Variants in CFAP44 observed in about 807,000 individuals in gnomAD.
The protein encoded by CFAP44 is cilia and flagella associated protein 44, also known as cilia- and flagella-associated protein 44.
In CFAP44, 134 loss-of-function variants were observed where a neutral mutation model predicts 216.2. The ratio of observed to expected loss-of-function variants is 0.62; its 90% CI spans 0.54 to 0.72. The LOEUF (loss-of-function observed/expected upper bound fraction) is 0.72, where lower values mean the gene tolerates loss of function less well. CFAP44 is among the 30% of genes least tolerant of loss of function. The pLI is 0.00. For synonymous variants in CFAP44, 700 were observed against 727.6 expected (o/e 0.96, Z 0.61); for missense variants, 2,035 against 2,182.1 (o/e 0.93, Z 1.34).
At chr3:113,414,756 G>A (rs1213298651) in intron 6 of CFAP44, among the ~76,000 whole-genome samples, 3 of 152,164 alleles carry the variant, frequency 2.0e-5, no homozygotes, top group African/African-American at 7.2e-5. Flanking sequence ...GCTGGATTTG[G>A]TTTGCCAGTA....
chr3:113,389,558 T>G lies in CFAP44; in HGVS notation c.1890+6192A>C, dbSNP rs575780693. 2.6e-5 allele frequency among the ~76,000 whole-genome samples: 4 copies of G among 151,270 alleles called. No homozygotes were observed. In the South Asian group the frequency reaches 8.4e-4, roughly 32 times the overall value. ...AATGAAATTGAAAGAAAACAAAAGATCAACAAATTAAAAAGTTGTTTTTTT... is the reference window on the plus strand; with the variant it reads ...AATGAAATTGAAAGAAAACAAAAGAGCAACAAATTAAAAAGTTGTTTTTTT... On this transcript the variant is annotated intron_variant, in intron 15 of 34. Transcript: ENST00000393845.
intron 18 of CFAP44, among the ~76,000 whole-genome samples, chr3:113,372,404 A>G (rs1044538278): frequency 6.6e-6 from 1 of 152,196 alleles, no homozygotes; most frequent in African/African-American, 2.4e-5. Flanking sequence ...CAGCCATAAA[A>G]AAGGATGAGT....
At chr3:113,404,942 T>A (rs770560532) in intron 8 of CFAP44, among the ~76,000 whole-genome samples, 10 of 152,216 alleles carry the variant, frequency 6.6e-5, no homozygotes, top group Non-Finnish European at 1.5e-4. Context: ...ACAACTTTAT[T>A]TTCTCTAGGA....
chr3:113,353,460 ACAC>A (rs2107830146), intron 22 of CFAP44, among the ~76,000 whole-genome samples: 1 of 78,794 alleles, frequency 1.3e-5, no homozygotes, highest in African/African-American at 7.0e-5. Context: ...GAATACACAC[ACAC>A]ACACACACAC....
At chr3:113,411,640 C>T (rs1248063993) in intron 6 of CFAP44, among the ~76,000 whole-genome samples, 1 of 152,138 alleles carries the variant, frequency 6.6e-6, no homozygotes, top group Non-Finnish European at 1.5e-5. Context: ...CTTTTGGTTC[C>T]ATATGAACTT....
At chr3:113,403,800 A>G in intron 9 of CFAP44, 52 bp downstream of exon 9, 1 of 1,557,486 alleles carries the variant, frequency 6.4e-7, no homozygotes, top group Non-Finnish European at 8.7e-7. Flanking sequence ...CCTTTGGGTG[A>G]GCTACAAGTC....
intron 24 of CFAP44, among the ~76,000 whole-genome samples, chr3:113,336,514 A>G (rs1488426118): frequency 1.3e-5 from 2 of 152,120 alleles, no homozygotes; most frequent in African/African-American, 4.8e-5. Context: ...TAACTCAAGA[A>G]GAAATAGAAC....
chr3:113,358,673 A>G, intron 22 of CFAP44, 72 bp downstream of exon 22: 1 of 1,489,970 alleles, frequency 6.7e-7, no homozygotes, highest in Non-Finnish European at 8.9e-7. Context: ...CACTTCACTG[A>G]CACTACTATA....
intron 24 of CFAP44, among the ~76,000 whole-genome samples, chr3:113,336,147 A>C (rs909650721): frequency 1.3e-5 from 2 of 152,192 alleles, no homozygotes; most frequent in Admixed American, 1.3e-4. Flanking sequence ...ACACAAGTTT[A>C]CACATTAAGA....
At chr3:113,331,264 T>C (rs1576551738) in intron 25 of CFAP44, among the ~76,000 whole-genome samples, 1 of 152,168 alleles carries the variant, frequency 6.6e-6, no homozygotes, top group Non-Finnish European at 1.5e-5. Context: ...AGCCAAGCTG[T>C]GCCTCTGCTT....
In CFAP44 at chr3:113,395,834, A is replaced by G. The variant is rs1329129958; in HGVS notation, c.1806T>C (p.Phe602=). 6 of 1,613,766 alleles carry G rather than the reference A, an allele frequency of 3.7e-6. No individual in the cohort carries two copies. Among genetic ancestry groups the G allele is most frequent in the African/African-American group, 1.3e-5 (1 of 74,928 alleles). The part of the protein sequence containing the change: ...TGSKDQTVFF[F]EVERDYKPIG... The stretch of plus-strand genomic sequence containing the variant: ...TCGGCTTATAATCCCTTTCCACTTC[A>G]AAGAAGAAAACAGTTTGATCTTTAC... The change falls in exon 15 of 35, where the codon TTT becomes TTC. Residue 602 remains phenylalanine (F), a synonymous_variant. Transcript: ENST00000393845.
intron 25 of CFAP44, among the ~76,000 whole-genome samples, 164 bp downstream of exon 25, chr3:113,333,242 T>C (rs938137939): frequency 2.0e-5 from 3 of 152,156 alleles, no homozygotes; most frequent in Admixed American, 6.5e-5. Context: ...TTTCCTTATT[T>C]GTAAAAAGAG....
chr3:113,390,093 C>G (rs541256689), intron 15 of CFAP44, among the ~76,000 whole-genome samples: 3 of 152,080 alleles, frequency 2.0e-5, no homozygotes, highest in Admixed American at 2.0e-4. Flanking sequence ...GATGCAAAAC[C>G]TCAACAAAAT....
chr3:113,309,713 T>C (rs758548327), intron 28 of CFAP44, among the ~76,000 whole-genome samples: 2 of 152,026 alleles, frequency 1.3e-5, no homozygotes, highest in South Asian at 4.1e-4. Context: ...AAAACAAACA[T>C]AAGAAGACTC....
In CFAP44 at chr3:113,366,268, G is replaced by T. The variant is rs771542371; in HGVS notation, c.2486C>A (p.Ala829Glu). 1 of 1,610,416 alleles carries T rather than the reference G, an allele frequency of 6.2e-7. No homozygotes were observed. Among genetic ancestry groups the T allele is most frequent in the Admixed American group, 1.7e-5 (1 of 59,828 alleles). ...TTGATTTAGGACATAGACTCGAATT[G>T]CTCCATTTTTCATTCCACAAAACAT... ...VMMFCGMKNG[A>E]IRVYVLNQND... is the part of the protein sequence containing the mutation. Residue 829 changes from alanine (A) to glutamate (E), a missense_variant, in exon 19 of 35, where the codon GCA becomes GAA. By Grantham distance (107) the Ala-to-Glu change is moderately radical. Coordinates refer to ENST00000393845, the MANE Select transcript of CFAP44 (RefSeq NM_001164496.2).
intron 28 of CFAP44, among the ~76,000 whole-genome samples, chr3:113,315,144 G>C (rs907465583): frequency 1.3e-5 from 2 of 151,196 alleles, no homozygotes; most frequent in Non-Finnish European, 2.9e-5. Flanking sequence ...AGATTGCCAG[G>C]GTGAATGAAA....
At chr3:113,402,420 G>T (rs1934168032) in intron 9 of CFAP44, among the ~76,000 whole-genome samples, 1 of 152,160 alleles carries the variant, frequency 6.6e-6, no homozygotes, top group African/African-American at 2.4e-5. Flanking sequence ...GAAGAGTGAA[G>T]GAGCACAGTT....
At chr3:113,366,971 C>T (rs886282536) in intron 18 of CFAP44, among the ~76,000 whole-genome samples, 1 of 151,834 alleles carries the variant, frequency 6.6e-6, no homozygotes, top group Admixed American at 6.6e-5. Context: ...GCACAGCAGT[C>T]TGAGATCAAC....
At chr3:113,412,165 C>A (rs903689602) in intron 6 of CFAP44, among the ~76,000 whole-genome samples, 13 of 152,040 alleles carry the variant, frequency 8.6e-5, no homozygotes, top group African/African-American at 2.9e-4. Flanking sequence ...TCTGGCCGGG[C>A]AATCAGGCAA....
Sources: allele counts gnomAD v4.1 joint callset (sites outside exome capture counted in the v4.1 genomes callset), GRCh38; gene constraint gnomAD v4.1.1; transcripts MANE v1.5; gene names NCBI Gene and HGNC (gene_info 2026-07-23, HGNC 2026-07-21).